CABIN1: variants seen among roughly 807,000 people sequenced by gnomAD.
The protein encoded by CABIN1 is calcineurin binding protein 1.
A neutral mutation model predicts 227.7 loss-of-function variants in CABIN1; 133 were observed. The observed-to-expected ratio is 0.58, with a 90% CI of 0.51 to 0.67. The LOEUF is 0.67. Ranked by LOEUF, CABIN1 falls within the 30% of genes least tolerant of loss-of-function variation. CABIN1 has a pLI of 0.00. For synonymous variants in CABIN1, 1,086 were observed against 1,155.1 expected (o/e 0.94, Z 1.21); for missense variants, 2,408 against 2,852.5 (o/e 0.84, Z 3.55).
chr22:24,103,588 C>T (rs1474005351), intron 26 of CABIN1, among the ~76,000 whole-genome samples: 1 of 152,130 alleles, frequency 6.6e-6, no homozygotes, highest in Non-Finnish European at 1.5e-5. Context: ...GAGTGCCATT[C>T]CTAAACAGAC....
At chr22:24,048,120 T>C (rs41327153) in intron 6 of CABIN1, among the ~76,000 whole-genome samples, 1,851 of 152,344 alleles carry the variant, frequency 0.012, 34 homozygotes, top group African/African-American at 0.042. Flanking sequence ...TGACATTAAC[T>C]TGAGTGATGT....
intron 29 of CABIN1, among the ~76,000 whole-genome samples, chr22:24,150,166 C>T (rs572895125): frequency 6.6e-6 from 1 of 152,348 alleles, no homozygotes; most frequent in African/African-American, 2.4e-5. Context: ...GGGAGCCCAC[C>T]GCCCTTAGCT....
intron 25 of CABIN1, 105 bp from the exon 26 acceptor site, chr22:24,097,909 A>G: frequency 1.4e-6 from 2 of 1,437,208 alleles, no homozygotes; most frequent in East Asian, 2.3e-5. Flanking sequence ...CCAGAGGTGC[A>G]TGGGAGCAGT....
At chr22:24,076,350 G>C in intron 19 of CABIN1, 66 bp downstream of exon 19, 1 of 1,316,288 alleles carries the variant, frequency 7.6e-7, no homozygotes, top group Non-Finnish European at 1.1e-6. Flanking sequence ...AGGTGGAATG[G>C]GAAGGGGACA....
rs1555909792 is a variant in CABIN1, at chr22:24,035,439, T to C, written c.-74-5T>C. On this transcript the variant is annotated splice_polypyrimidine_tract_variant and splice_region_variant and intron_variant, in intron 1 of 36. Transcript: ENST00000263119. ...TTGTCTCAGTTTGTCCTATTTCCTT[T>C]CTAGGAGAGTTGTGGACTGGGGCAA... is the stretch of plus-strand genomic sequence containing the variant. The C allele has an allele frequency of 6.3e-7, 1 of 1,594,586 alleles. No homozygotes were observed. The highest frequency in any genetic ancestry group is 1.7e-5 in the Admixed American group (1 of 59,998).
intron 19 of CABIN1, among the ~76,000 whole-genome samples, chr22:24,080,532 T>C (rs543651412): frequency 3.2e-4 from 48 of 152,374 alleles, no homozygotes; most frequent in Non-Finnish European, 6.2e-4. Context: ...AAATGTGGTA[T>C]ATCTCTCTGT....
intron 26 of CABIN1, among the ~76,000 whole-genome samples, chr22:24,106,365 T>C (rs1040142097): frequency 6.6e-6 from 1 of 152,164 alleles, no homozygotes; most frequent in Non-Finnish European, 1.5e-5. Flanking sequence ...CATCCTTCCT[T>C]TTCCTCCTGC....
Position 24,056,341 on chromosome 22 carries a change from A to G in CABIN1, c.1243A>G (p.Met415Val), listed in dbSNP as rs201495297. The G allele has an allele frequency of 1.9e-4, 304 of 1,613,846 alleles. 1 individual carries two copies. Among genetic ancestry groups the G allele is most frequent in the Non-Finnish European group, 2.5e-4 (294 of 1,179,864 alleles). The part of the protein sequence containing the change: ...EEKVDFQELL[M>V]KFLPSRLRKL... The stretch of plus-strand genomic sequence containing the variant: ...GAAAGTAGACTTCCAGGAGCTTCTG[A>G]TGAAGTTCTTGCCGTCCAGGTACTG... The change falls in exon 10 of 37, where the codon ATG (methionine) becomes GTG (valine). Residue 415 changes from methionine (M) to valine (V), a missense_variant. Met to Val is a conservative substitution (Grantham distance 21). This residue lies in a region of CABIN1 where 1,045 missense variants were observed against 1,168.4 expected (regional missense o/e 0.89). Transcript: ENST00000263119.
rs560867425 is a variant in CABIN1, at chr22:24,091,722, C to G, written c.3665C>G (p.Pro1222Arg). Residue 1222 changes from proline (P) to arginine (R), a missense_variant, in exon 24 of 37, where the codon CCA (proline) becomes CGA (arginine). By Grantham distance (103) the Pro-to-Arg change is moderately radical. This residue lies in a region of CABIN1 where 649 missense variants were observed against 910.3 expected (regional missense o/e 0.71). Transcript: ENST00000263119. ...AAGGTGGCTGAGAAGCAGCAGCAGC[C>G]ACCCACCGTTTACTTGCTGCACTAC... ...LGKVAEKQQQ[P>R]PTVYLLHYRQ... 5 of 1,614,172 alleles carry G rather than the reference C, an allele frequency of 3.1e-6. No homozygotes were observed. In the East Asian group the frequency reaches 1.1e-4, roughly 36 times the overall value.
chr22:24,153,962 G>A lies in CABIN1; in HGVS notation c.4747-10438G>A, dbSNP rs892240645. ...AGTGTGTTCATCTGTGCTGGTAGGT[G>A]GAGTGGTGCCTGCAGATCCCTTCTT... is the stretch of plus-strand genomic sequence containing the variant. On this transcript the variant is annotated intron_variant, in intron 29 of 36. Coordinates refer to ENST00000263119, the MANE Select transcript of CABIN1 (RefSeq NM_012295.4). Among the ~76,000 whole-genome samples the A allele has an allele frequency of 5.9e-5, 9 of 152,182 alleles. No individual in the cohort carries two copies. In the East Asian group the frequency reaches 1.5e-3, roughly 26 times the overall value.
In CABIN1 at chr22:24,177,441, A is replaced by C. The variant is rs1414558270; in HGVS notation, c.6206-63A>C. Reference sequence around the variant, plus strand: ...GACCTGGGGGGAGCGGGTGGGGGCGAGATAAAGTGCTCACTGTGTGATGCG... The same window carrying C: ...GACCTGGGGGGAGCGGGTGGGGGCGCGATAAAGTGCTCACTGTGTGATGCG... On this transcript the variant is annotated intron_variant, in intron 35 of 36. Coordinates refer to ENST00000263119, the MANE Select transcript of CABIN1 (RefSeq NM_012295.4). The surrounding 1 kb of genome is among the most constrained non-coding windows in gnomAD (Gnocchi z 4.4). 7.2e-7 allele frequency: 1 copy of C among 1,381,110 alleles called. No homozygotes were observed. The highest frequency in any genetic ancestry group is 1.4e-5 in the African/African-American group (1 of 69,130). The allele number at this position is 1,381,110 out of a possible 1,614,324, so 85.6% of individuals were successfully genotyped here.
intron 26 of CABIN1, among the ~76,000 whole-genome samples, chr22:24,113,019 G>C (rs1411855113): frequency 1.3e-5 from 2 of 152,200 alleles, no homozygotes; most frequent in Non-Finnish European, 2.9e-5. Context: ...CAGTGAGTGA[G>C]TACAAACTCC....
chr22:24,033,120 T>G (rs1156637312), intron 1 of CABIN1, among the ~76,000 whole-genome samples: 3 of 152,160 alleles, frequency 2.0e-5, no homozygotes, highest in Non-Finnish European at 4.4e-5. Context: ...TTCCAAACTT[T>G]TGATTAGCAG....
Position 24,164,521 on chromosome 22 carries a change from T to C in CABIN1, c.4868T>C (p.Leu1623Pro). The C allele has an allele frequency of 6.2e-7, 1 of 1,606,010 alleles. No individual in the cohort carries two copies. Among genetic ancestry groups the C allele is most frequent in the East Asian group, 2.2e-5 (1 of 44,874 alleles). ...CAGCTGCGGGACCACAGCACCCTGC[T>C]GAAGGTGTCCTCCATGCTTCAGCGG... is the stretch of plus-strand genomic sequence containing the variant. ...LAQLRDHSTL[L>P]KVSSMLQRTP... is the part of the protein sequence containing the mutation. The change falls in exon 30 of 37, where the codon CTG becomes CCG. Residue 1623 changes from leucine (L) to proline (P), a missense_variant. By Grantham distance (98) the Leu-to-Pro change is moderately conservative. Transcript: ENST00000263119.
chr22:24,162,090 CAG>C (rs2046191141), intron 29 of CABIN1: 1 of 152,270 alleles, frequency 6.6e-6, no homozygotes, highest in African/African-American at 2.4e-5. Flanking sequence ...CTGGTGTAGG[CAG>C]AAAGCCAGTT....
At chr22:24,015,580 G>A (rs2035216447) in intron 1 of CABIN1, among the ~76,000 whole-genome samples, 1 of 151,614 alleles carries the variant, frequency 6.6e-6, no homozygotes, top group Non-Finnish European at 1.5e-5. Context: ...TTCTGACCTT[G>A]TGATCCGCCC....
intron 26 of CABIN1, among the ~76,000 whole-genome samples, chr22:24,100,931 G>T (rs1236550040): frequency 1.3e-5 from 2 of 152,224 alleles, no homozygotes; most frequent in African/African-American, 2.4e-5. Context: ...TGGAACTAGG[G>T]TAAGACCTAG....
intron 29 of CABIN1, among the ~76,000 whole-genome samples, chr22:24,153,985 C>T (rs984222613): frequency 6.6e-6 from 1 of 152,186 alleles, no homozygotes; most frequent in Non-Finnish European, 1.5e-5. Context: ...CAGATCCCTT[C>T]TTTGGCAATG....
At chr22:24,085,484 C>T (rs942564096) in intron 22 of CABIN1, among the ~76,000 whole-genome samples, 1 of 152,152 alleles carries the variant, frequency 6.6e-6, no homozygotes, top group Admixed American at 6.5e-5. Flanking sequence ...TTTGTGCTGC[C>T]CCCTTTCACA....
Sources: gnomAD v4.1 joint callset for allele counts (sites outside exome capture counted in the v4.1 genomes callset) on GRCh38, gnomAD v4.1.1 for gene constraint, gnomAD v4.1.1 regional missense constraint, Gnocchi (gnomAD v3.1) non-coding constraint, MANE v1.5 for transcripts, NCBI Gene and HGNC (gene_info 2026-07-23, HGNC 2026-07-21) for gene names.